Variants in ZNF473 observed in about 807,000 individuals in gnomAD.
ZNF473 encodes zinc finger protein 473, also known as zinc finger protein 100 homolog.
In ZNF473, 4 loss-of-function variants were observed where a neutral mutation model predicts 11.1. The observed-to-expected ratio is 0.36, with a 90% CI of 0.18 to 0.82. ZNF473 has a LOEUF of 0.82. Ranked by LOEUF, ZNF473 falls within the 40% of genes least tolerant of loss-of-function variation. The probability of loss-of-function intolerance (pLI) is 0.49; values close to 1 mark genes in which losing one functional copy is unlikely to be tolerated. For missense variants in ZNF473, 854 were observed against 1,084.0 expected, an observed-to-expected ratio of 0.79 and a Z score of 2.98; for synonymous variants, 404 against 390.4, an observed-to-expected ratio of 1.03 and a Z score of -0.41.
chr19:50,040,784 G>A (rs1020286176), intron 3 of ZNF473, among the ~76,000 whole-genome samples: 4 of 152,234 alleles, frequency 2.6e-5, no homozygotes, highest in East Asian at 1.9e-4. Flanking sequence ...AACACACGGT[G>A]GAAACTATCA....
At chr19:50,036,314 C>CTTT (rs35619461) in intron 2 of ZNF473, among the ~76,000 whole-genome samples, 23 of 108,770 alleles carry the variant, frequency 2.1e-4, no homozygotes, top group East Asian at 5.7e-4. Context: ...GAGGTGGGGC[C>CTTT]TTTTTTTTTT....
intron 2 of ZNF473, among the ~76,000 whole-genome samples, chr19:50,032,636 T>C (rs571355622): frequency 2.1e-4 from 32 of 152,268 alleles, no homozygotes; most frequent in Non-Finnish European, 8.8e-5. Flanking sequence ...TGACAGTGTA[T>C]GAGCTTGCTA....
chr19:50,047,137 T>C lies in ZNF473; in HGVS notation c.*78T>C. On this transcript the variant is annotated 3_prime_UTR_variant, in exon 5 of 5. Transcript: ENST00000270617. ...AAGTTGGAAACTATCCCATTGCAAGTTTCTCTCCAAATAAATGCATCTAAA... is the reference window on the plus strand; with the variant it reads ...AAGTTGGAAACTATCCCATTGCAAGCTTCTCTCCAAATAAATGCATCTAAA... 8.1e-7 allele frequency: 1 copy of C among 1,234,528 alleles called. No homozygotes were observed. Among genetic ancestry groups the C allele is most frequent in the Middle Eastern group, 2.5e-4 (1 of 4,072 alleles). 76.5% of individuals were successfully genotyped at this position (1,234,528 alleles called of 1,614,324 possible). A position where few individuals can be genotyped will look rare whatever the true frequency, so the allele number is the denominator to read the frequency against.
In ZNF473 at chr19:50,035,063, G is replaced by A. The variant is rs147395725; in HGVS notation, c.9+3972G>A. 5.1e-3 allele frequency among the ~76,000 whole-genome samples: 771 copies of A among 152,242 alleles called. 5 individuals are homozygous for A. The highest frequency in any genetic ancestry group is 0.017 in the African/African-American group (688 of 41,548). On this transcript the variant is annotated intron_variant, in intron 2 of 4. Coordinates refer to ENST00000270617, the MANE Select transcript of ZNF473 (RefSeq NM_015428.4). ...TCCCAGAACTTTGGAAGGCTGAGGT[G>A]GGCAAATTGCTTGAGCTCAGGAGTT...
rs1978662174 is a variant in ZNF473 at position 50,039,584 on chromosome 19, G to C, written c.136+297G>C. ...CAACCAAGGATTGGCCCACGCCAGT[G>C]TCAGTAGTGCTAAGCCTGGGAAACC... On this transcript the variant is annotated intron_variant, in intron 3 of 4. Transcript: ENST00000270617. This position sits in a 1 kb window ranked among gnomAD's most constrained non-coding sequence, Gnocchi z 4.8. Among the ~76,000 whole-genome samples the C allele has an allele frequency of 6.6e-6, 1 of 152,270 alleles. No homozygotes were observed. The highest frequency in any genetic ancestry group is 6.5e-5 in the Admixed American group (1 of 15,290).
At chr19:50,038,798 A>G (rs560925607) in intron 2 of ZNF473, among the ~76,000 whole-genome samples, 1 of 152,350 alleles carries the variant, frequency 6.6e-6, no homozygotes, top group Admixed American at 6.5e-5. Flanking sequence ...TGATGAGTTC[A>G]TGGGTGTTAA....
intron 4 of ZNF473, among the ~76,000 whole-genome samples, 191 bp from the exon 5 acceptor site, chr19:50,044,479 A>G (rs1978950838): frequency 6.6e-6 from 1 of 152,134 alleles, no homozygotes; most frequent in Admixed American, 6.5e-5. Flanking sequence ...GTTGAACCCT[A>G]TGGTTTCCCA....
At chr19:50,028,334 G>A (rs1414201136) in intron 1 of ZNF473, among the ~76,000 whole-genome samples, 2 of 148,966 alleles carry the variant, frequency 1.3e-5, no homozygotes, top group Non-Finnish European at 3.0e-5. Flanking sequence ...TTTTTTTTTG[G>A]AGGCAGGATC....
At chr19:50,036,183 CT>C (rs1264121235) in intron 2 of ZNF473, among the ~76,000 whole-genome samples, 1 of 151,964 alleles carries the variant, frequency 6.6e-6, no homozygotes, top group African/African-American at 2.4e-5. Flanking sequence ...TCATCTCAAA[CT>C]CCTGAGCTCA....
Position 50,041,867 on chromosome 19 carries a change from C to T in ZNF473, c.226+48C>T. On this transcript the variant is annotated intron_variant, in intron 4 of 4. Transcript: ENST00000270617. ...CTTGTGTACCTTCTGTCTTCCAGAC[C>T]TCCATCCTGAGGCTGCAGCCAGCTT... 4 of 1,486,676 alleles carry T rather than the reference C, an allele frequency of 2.7e-6. 1 individual carries two copies. The African/African-American group carries it at 4.3e-5, about 16-fold the overall frequency. 92.1% of individuals were successfully genotyped at this position (1,486,676 alleles called of 1,614,324 possible). A position where few individuals can be genotyped will look rare whatever the true frequency, so the allele number is the denominator to read the frequency against.
In ZNF473 at chr19:50,045,019, C is replaced by T; in HGVS notation, c.576C>T (p.Ser192=). ...AGGAATATAGGGGTGAGTTTTTCTC[C>T]TACTCCGACCACAGCCAGCAGGATT... ...KSKEYRGEFF[S]YSDHSQQDSV... Residue 192 remains serine, a synonymous_variant, in exon 5 of 5, where the codon TCC becomes TCT. Coordinates refer to ENST00000270617, the MANE Select transcript of ZNF473 (RefSeq NM_015428.4). 1 of 1,614,160 alleles carries T rather than the reference C, an allele frequency of 6.2e-7. No individual in the cohort carries two copies. Among genetic ancestry groups the T allele is most frequent in the East Asian group, 2.2e-5 (1 of 44,888 alleles).
chr19:50,032,437 A>T (rs1373041622), intron 2 of ZNF473, among the ~76,000 whole-genome samples: 1 of 151,888 alleles, frequency 6.6e-6, no homozygotes, highest in Non-Finnish European at 1.5e-5. Flanking sequence ...CTTGAACCTC[A>T]CTTAGTATGG....
At chr19:50,037,652 C>A (rs1196610219) in intron 2 of ZNF473, among the ~76,000 whole-genome samples, 1 of 145,118 alleles carries the variant, frequency 6.9e-6, no homozygotes, top group Non-Finnish European at 1.5e-5. Flanking sequence ...AAGACTCCTA[C>A]TCTACCAAAA....
At chr19:50,042,892 A>G (rs1978855056) in intron 4 of ZNF473, 1 of 152,258 alleles carries the variant, frequency 6.6e-6, no homozygotes, top group African/African-American at 2.4e-5. Context: ...AGAGATGAGC[A>G]GAGGCAAAGG....
intron 2 of ZNF473, among the ~76,000 whole-genome samples, chr19:50,033,962 A>T (rs1356503196): frequency 6.6e-6 from 1 of 152,204 alleles, no homozygotes; most frequent in Non-Finnish European, 1.5e-5. Flanking sequence ...GCCATGTAAG[A>T]TAATATTCAT....
At chr19:50,043,729 T>G (rs754658506) in intron 4 of ZNF473, among the ~76,000 whole-genome samples, 12 of 152,098 alleles carry the variant, frequency 7.9e-5, no homozygotes, top group Non-Finnish European at 1.8e-4. Flanking sequence ...GGTCAGACCC[T>G]TTCATAACCT....
rs974575106 is a variant in ZNF473 at position 50,045,611 on chromosome 19, C to A, written c.1168C>A (p.Leu390Ile). 1 of 1,614,030 alleles carries A rather than the reference C, an allele frequency of 6.2e-7. No homozygotes were observed. ...CGKIFRHSSL[L>I]IEHQALHAGE... ...GAAGATTTTTAGGCACAGTTCGCTG[C>A]TCATTGAACACCAGGCTCTTCATGC... The change falls in exon 5 of 5, where the codon CTC becomes ATC. Residue 390 changes from leucine to isoleucine, a missense_variant. Coordinates refer to ENST00000270617, the MANE Select transcript of ZNF473 (RefSeq NM_015428.4).
chr19:50,037,442 G>T (rs1978510618), intron 2 of ZNF473, among the ~76,000 whole-genome samples: 1 of 152,126 alleles, frequency 6.6e-6, no homozygotes, highest in African/African-American at 2.4e-5. Context: ...ATCAGTCATG[G>T]TTTCACCTAG....
intron 2 of ZNF473, among the ~76,000 whole-genome samples, chr19:50,033,555 G>GC: frequency 6.6e-6 from 1 of 152,270 alleles, no homozygotes; most frequent in Middle Eastern, 3.4e-3. Flanking sequence ...TCACCACTGG[G>GC]ACGACTGTTT....
Sources: allele counts gnomAD v4.1 joint callset (sites outside exome capture counted in the v4.1 genomes callset), GRCh38; gene constraint gnomAD v4.1.1; non-coding constraint Gnocchi (gnomAD v3.1); transcripts MANE v1.5; gene names NCBI Gene and HGNC (gene_info 2026-07-23, HGNC 2026-07-21).